Variants in NTRK2 observed in about 807,000 individuals in gnomAD.
NTRK2 encodes neurotrophic receptor tyrosine kinase 2, also known as BDNF/NT-3 growth factors receptor.
A neutral mutation model predicts 94.5 loss-of-function variants in NTRK2; 13 were observed. The ratio of observed to expected loss-of-function variants is 0.14; its 90% confidence interval spans 0.09 to 0.22. NTRK2 has a LOEUF of 0.22. NTRK2 is among the 10% of genes least tolerant of loss of function. NTRK2 has a pLI of 1.00. For synonymous variants in NTRK2, 372 were observed against 407.4 expected (o/e 0.91, Z 1.05); for missense variants, 639 against 1,071.2 (o/e 0.60, Z 5.63).
chr9:84,737,799 T>G (rs3780631), intron 9 of NTRK2, among the ~76,000 whole-genome samples: 6,704 of 151,778 alleles, frequency 0.044, 229 homozygotes, highest in South Asian at 0.1. Flanking sequence ...CCCATCCGTC[T>G]CTCTCCATCT....
chr9:85,014,833 A>G (rs1249118335), intron 17 of NTRK2, among the ~76,000 whole-genome samples: 1 of 152,232 alleles, frequency 6.6e-6, no homozygotes, highest in Non-Finnish European at 1.5e-5. Context: ...CGCAGTTGTT[A>G]TTTTTCTCTA....
intron 12 of NTRK2, among the ~76,000 whole-genome samples, chr9:84,765,617 T>C (rs1564218355): frequency 3.3e-5 from 5 of 152,164 alleles, no homozygotes; most frequent in Admixed American, 2.6e-4. Flanking sequence ...AAACTAAGAC[T>C]TGTAAGAAGA....
At chr9:84,723,185 T>C (rs546168355) in intron 6 of NTRK2, among the ~76,000 whole-genome samples, 1 of 152,082 alleles carries the variant, frequency 6.6e-6, no homozygotes, top group Admixed American at 6.5e-5. Context: ...AAATGGGGGG[T>C]AGGAGACAGG....
At chr9:84,750,828 A>C (rs1230032292) in intron 11 of NTRK2, among the ~76,000 whole-genome samples, 1 of 152,200 alleles carries the variant, frequency 6.6e-6, no homozygotes, top group African/African-American at 2.4e-5. Flanking sequence ...GCCGCTGACA[A>C]CTTTGCTCTA....
intron 12 of NTRK2, among the ~76,000 whole-genome samples, chr9:84,802,384 A>T (rs1213984570): frequency 6.6e-6 from 1 of 152,222 alleles, no homozygotes; most frequent in African/African-American, 2.4e-5. Flanking sequence ...AAGAATTATG[A>T]AGGGACTTCC....
At chr9:84,868,286 A>G (rs1258817651) in intron 14 of NTRK2, among the ~76,000 whole-genome samples, 1 of 152,170 alleles carries the variant, frequency 6.6e-6, no homozygotes, top group East Asian at 1.9e-4. Flanking sequence ...CTTAAATACC[A>G]TTCTCCTACC....
chr9:84,703,314 A>C (rs988829806), intron 4 of NTRK2, among the ~76,000 whole-genome samples: 4 of 152,152 alleles, frequency 2.6e-5, no homozygotes, highest in African/African-American at 9.7e-5. Context: ...ATTTCACATG[A>C]TTTTTTTCTG....
At chr9:84,735,495 C>A (rs148641360) in intron 9 of NTRK2, among the ~76,000 whole-genome samples, 1 of 152,180 alleles carries the variant, frequency 6.6e-6, no homozygotes, top group Admixed American at 6.5e-5. Context: ...GGTCAGGCAT[C>A]CATCAAGATG....
chr9:84,912,772 C>T (rs2132502288), intron 14 of NTRK2, among the ~76,000 whole-genome samples: 1 of 152,020 alleles, frequency 6.6e-6, no homozygotes, highest in Admixed American at 6.5e-5. Flanking sequence ...CGCCCACCAC[C>T]ACCCCCGGCT....
At chr9:84,674,731 A>G (rs1190753466) in intron 2 of NTRK2, among the ~76,000 whole-genome samples, 1 of 152,192 alleles carries the variant, frequency 6.6e-6, no homozygotes, top group Non-Finnish European at 1.5e-5. Flanking sequence ...TGCTGTCTTC[A>G]TAGTGTAGGT....
chr9:84,878,672 A>G (rs1422732040), intron 14 of NTRK2, among the ~76,000 whole-genome samples: 1 of 152,020 alleles, frequency 6.6e-6, no homozygotes, highest in Non-Finnish European at 1.5e-5. Context: ...TTAAGCGCAA[A>G]TATTTGCATT....
chr9:85,004,047 G>GAAAGAAAGAAAAGAAAGAAAGAAA (rs1564542231), intron 17 of NTRK2, among the ~76,000 whole-genome samples: 3 of 39,826 alleles, frequency 7.5e-5, no homozygotes, highest in African/African-American at 3.7e-4. Flanking sequence ...GAAAGAAAGG[G>GAAAGAAAGAAAAGAAAGAAAGAAA]AGAAAGAGAA....
At chr9:84,892,647 A>G (rs767629775) in intron 14 of NTRK2, among the ~76,000 whole-genome samples, 1 of 152,220 alleles carries the variant, frequency 6.6e-6, no homozygotes, top group Non-Finnish European at 1.5e-5. Context: ...TAGGCTGGGC[A>G]CAGTGGCTCA....
chr9:84,903,387 A>AATTAGTTT (rs2076988059), intron 14 of NTRK2, among the ~76,000 whole-genome samples: 1 of 152,168 alleles, frequency 6.6e-6, no homozygotes. Flanking sequence ...AGGAGTAGAG[A>AATTAGTTT]ATTAGTTTAG....
chr9:84,794,944 T>C (rs2069131412), intron 12 of NTRK2, among the ~76,000 whole-genome samples: 1 of 152,030 alleles, frequency 6.6e-6, no homozygotes, highest in Admixed American at 6.6e-5. Context: ...CTGGGAAAAA[T>C]ACTGAAACTC....
chr9:84,913,805 CT>C (rs1172086885), intron 14 of NTRK2, among the ~76,000 whole-genome samples: 1 of 151,844 alleles, frequency 6.6e-6, no homozygotes, highest in Non-Finnish European at 1.5e-5. Context: ...CTCCTTGAAT[CT>C]TTAGGTTTAT....
intron 12 of NTRK2, among the ~76,000 whole-genome samples, chr9:84,845,149 T>C (rs2074401725): frequency 6.6e-6 from 1 of 152,114 alleles, no homozygotes; most frequent in African/African-American, 2.4e-5. Flanking sequence ...AAAAGACACA[T>C]GCATAGGCAT....
chr9:84,843,173 A>G (rs1439815055), intron 12 of NTRK2, among the ~76,000 whole-genome samples: 1 of 152,134 alleles, frequency 6.6e-6, no homozygotes, highest in African/African-American at 2.4e-5. Flanking sequence ...TTCCTACTAT[A>G]TGGCACACAG....
chr9:84,715,199 A>G (rs1042728993), intron 6 of NTRK2, among the ~76,000 whole-genome samples: 2 of 152,214 alleles, frequency 1.3e-5, no homozygotes, highest in African/African-American at 4.8e-5. Flanking sequence ...ATATTGGACC[A>G]GGTTTTTAAT....
Sources: allele counts gnomAD v4.1 joint callset (sites outside exome capture counted in the v4.1 genomes callset), GRCh38; gene constraint gnomAD v4.1.1; transcripts MANE v1.5; gene names NCBI Gene and HGNC (gene_info 2026-07-23, HGNC 2026-07-21).